The following EYS variants were observed in gnomAD, a reference collection of about 807,000 sequenced individuals.
The protein encoded by EYS is protein eyes shut homolog.
A neutral mutation model predicts 282.1 loss-of-function variants in EYS; 250 were observed. That is an observed-to-expected ratio of 0.89 (90% CI 0.80 to 0.98). The LOEUF (loss-of-function observed/expected upper bound fraction) is 0.98, where lower values mean the gene tolerates loss of function less well. Ranked by LOEUF, EYS falls within the 50% of genes least tolerant of loss-of-function variation. The pLI is 0.00. For synonymous variants in EYS, 1,355 were observed against 1,282.9 expected, an observed-to-expected ratio of 1.06 and a Z score of -1.20; for missense variants, 4,016 against 3,709.0, an observed-to-expected ratio of 1.08 and a Z score of -2.15.
chr6:65,120,880 C>T (rs1775527092), intron 12 of EYS, among the ~76,000 whole-genome samples: 1 of 152,160 alleles, frequency 6.6e-6, no homozygotes, highest in Non-Finnish European at 1.5e-5. Flanking sequence ...TTTCCCTCTA[C>T]TTCACCTTAA....
chr6:64,071,377 A>G (rs988230607), intron 32 of EYS, among the ~76,000 whole-genome samples: 3 of 151,886 alleles, frequency 2.0e-5, no homozygotes, highest in Admixed American at 1.3e-4. Context: ...TTTCTGATGA[A>G]ATGAAATTAT....
At chr6:64,834,634 C>T (rs542946890) in intron 19 of EYS, among the ~76,000 whole-genome samples, 1 of 151,782 alleles carries the variant, frequency 6.6e-6, no homozygotes, top group South Asian at 2.1e-4. Context: ...TTTATTTATT[C>T]AAAGTTATAG....
At chr6:64,254,134 T>G (rs1037932225) in intron 30 of EYS, among the ~76,000 whole-genome samples, 2 of 152,082 alleles carry the variant, frequency 1.3e-5, no homozygotes, top group African/African-American at 4.8e-5. Context: ...TATTTGGCCT[T>G]TCTCGTGTAA....
At chr6:63,950,852 T>C (rs1242732165) in intron 35 of EYS, among the ~76,000 whole-genome samples, 1 of 152,150 alleles carries the variant, frequency 6.6e-6, no homozygotes, top group African/African-American at 2.4e-5. Flanking sequence ...TCAGTTCCTT[T>C]CCTTTTCTGG....
intron 2 of EYS, among the ~76,000 whole-genome samples, chr6:65,577,765 TG>T (rs1157919986): frequency 1.1e-4 from 13 of 117,920 alleles, no homozygotes; most frequent in Non-Finnish European, 1.8e-4. Flanking sequence ...AAAAAAAAAA[TG>T]GACAAAATAC....
intron 35 of EYS, among the ~76,000 whole-genome samples, chr6:63,931,426 T>G (rs1764891280): frequency 6.6e-6 from 1 of 152,190 alleles, no homozygotes; most frequent in Non-Finnish European, 1.5e-5. Context: ...AATAACCTCT[T>G]CCATCTTTTG....
chr6:64,030,634 C>G (rs913001923), intron 33 of EYS, among the ~76,000 whole-genome samples: 1 of 152,204 alleles, frequency 6.6e-6, no homozygotes, highest in African/African-American at 2.4e-5. Flanking sequence ...CTTATACCAA[C>G]CTCTGGAGTT....
chr6:64,066,294 C>CA (rs2149855569), intron 33 of EYS, 44 bp downstream of exon 33: 1 of 1,515,550 alleles, frequency 6.6e-7, no homozygotes, highest in African/African-American at 1.4e-5. Flanking sequence ...AACGAACAAA[C>CA]AAAATTTCAG....
chr6:64,355,687 T>C (rs1455329378), intron 29 of EYS, among the ~76,000 whole-genome samples: 1 of 151,646 alleles, frequency 6.6e-6, no homozygotes, highest in Non-Finnish European at 1.5e-5. Flanking sequence ...CATTAATCAA[T>C]TCAAACTTTA....
intron 35 of EYS, among the ~76,000 whole-genome samples, chr6:63,894,138 T>A (rs1357904910): frequency 6.6e-6 from 1 of 152,120 alleles, no homozygotes; most frequent in Admixed American, 6.5e-5. Context: ...GAGCCCCCAC[T>A]TTTCCCTGGC....
rs563254945 is a variant in EYS, at chr6:65,338,335, C to T, written c.1600-3189G>A. On this transcript the variant is annotated intron_variant, in intron 10 of 42. Transcript: ENST00000503581. ...CAAGAGAGTAAATTATATCAGTAGACATATAGAAACTTGAATCTGCCTTGT... is the reference window on the plus strand; with the variant it reads ...CAAGAGAGTAAATTATATCAGTAGATATATAGAAACTTGAATCTGCCTTGT... Among the ~76,000 whole-genome samples, 41 of 149,066 alleles carry T rather than the reference C, an allele frequency of 2.8e-4. 1 individual carries two copies. Among genetic ancestry groups the T allele is most frequent in the African/African-American group, 9.9e-4 (39 of 39,508 alleles).
intron 30 of EYS, among the ~76,000 whole-genome samples, chr6:64,255,860 T>C (rs1767381382): frequency 6.6e-6 from 1 of 152,064 alleles, no homozygotes; most frequent in South Asian, 2.1e-4. Context: ...TCACATTTAT[T>C]ATGAAAAATT....
chr6:64,789,894 T>C (rs988590929), intron 22 of EYS, among the ~76,000 whole-genome samples: 8 of 151,668 alleles, frequency 5.3e-5, no homozygotes, highest in African/African-American at 1.9e-4. Context: ...GATATATATA[T>C]ATATATATAA....
chr6:64,888,087 C>T (rs1267793847), intron 18 of EYS, among the ~76,000 whole-genome samples: 1 of 151,868 alleles, frequency 6.6e-6, no homozygotes, highest in Non-Finnish European at 1.5e-5. Flanking sequence ...ATGTATACTA[C>T]ATATTTTTTA....
At chr6:64,806,548 A>G (rs774496960) in intron 22 of EYS, among the ~76,000 whole-genome samples, 7 of 152,144 alleles carry the variant, frequency 4.6e-5, no homozygotes, top group Non-Finnish European at 7.4e-5. Context: ...TGAAAATGTC[A>G]GGAATCAAAC....
intron 34 of EYS, among the ~76,000 whole-genome samples, chr6:63,991,691 A>G (rs1397019825): frequency 2.0e-5 from 3 of 151,708 alleles, no homozygotes; most frequent in African/African-American, 7.3e-5. Context: ...GCTTATTCAT[A>G]GAAATAATGA....
intron 2 of EYS, among the ~76,000 whole-genome samples, chr6:65,590,913 T>C (rs1765210109): frequency 6.6e-6 from 1 of 152,018 alleles, no homozygotes; most frequent in Non-Finnish European, 1.5e-5. Context: ...AACTTGGCTA[T>C]TGTGAATAGT....
At chr6:64,589,300 T>C (rs1766325895) in intron 26 of EYS, among the ~76,000 whole-genome samples, 2 of 151,990 alleles carry the variant, frequency 1.3e-5, no homozygotes, top group African/African-American at 2.4e-5. Context: ...CAGCCATAAA[T>C]TACACACCTA....
At chr6:64,013,658 C>T (rs73443012) in intron 33 of EYS, among the ~76,000 whole-genome samples, 4,093 of 152,148 alleles carry the variant, frequency 0.027, 135 homozygotes, top group African/African-American at 0.076. Flanking sequence ...AAATCACCAC[C>T]CCACCCTTTT....
Sources: allele counts gnomAD v4.1 joint callset (sites outside exome capture counted in the v4.1 genomes callset), GRCh38; gene constraint gnomAD v4.1.1; transcripts MANE v1.5; gene names NCBI Gene and HGNC (gene_info 2026-07-23, HGNC 2026-07-21).